PPP1R13B: variants seen among roughly 807,000 people sequenced by gnomAD.
PPP1R13B encodes apoptosis-stimulating of p53 protein 1.
A neutral mutation model predicts 119.8 loss-of-function variants in PPP1R13B; 44 were observed. That is an observed-to-expected ratio of 0.37 (90% confidence interval 0.29 to 0.47). The LOEUF (loss-of-function observed/expected upper bound fraction) is 0.47. PPP1R13B is among the 20% of genes least tolerant of loss of function. The pLI is 0.99. For synonymous variants in PPP1R13B, 542 were observed against 561.5 expected (o/e 0.97, Z 0.49); for missense variants, 1,227 against 1,413.5 (o/e 0.87, Z 2.12).
chr14:103,737,795 C>T lies in PPP1R13B; in HGVS notation c.2930G>A (p.Gly977Asp), dbSNP rs1347114582. The T allele has an allele frequency of 6.2e-7, 1 of 1,614,102 alleles. No individual in the cohort carries two copies. The highest frequency in any genetic ancestry group is 8.5e-7 in the Non-Finnish European group (1 of 1,180,050). Reference sequence around the variant, plus strand: ...TATGGTTGAGGCAAAAATGGCGGCACCACTCTCCACCAGCTGTTTGCAGAG... The same window carrying T: ...TATGGTTGAGGCAAAAATGGCGGCATCACTCTCCACCAGCTGTTTGCAGAG... ...VHLCKQLVES[G>D]AAIFASTISD... Residue 977 changes from glycine (G) to aspartate (D), a missense_variant, in exon 15 of 17, where the codon GGT (glycine) becomes GAT (aspartate). Physicochemically the swap from Gly to Asp is moderately conservative, Grantham distance 94. Transcript: ENST00000202556.
intron 3 of PPP1R13B, among the ~76,000 whole-genome samples, chr14:103,779,182 G>T (rs756881660): frequency 9.2e-5 from 5 of 54,102 alleles, no homozygotes; most frequent in African/African-American, 2.9e-4. Flanking sequence ...TCAGCTACTT[G>T]GGGGGCTGAG....
intron 8 of PPP1R13B, 40 bp from the exon 9 acceptor site, chr14:103,746,593 A>G: frequency 1.3e-6 from 2 of 1,502,302 alleles, no homozygotes; most frequent in Non-Finnish European, 9.0e-7. Context: ...ATTCTCCTAC[A>G]TTCAAAGAAG....
chr14:103,843,951 C>CAA (rs35687195), intron 1 of PPP1R13B, among the ~76,000 whole-genome samples: 10,686 of 132,454 alleles, frequency 0.081, 459 homozygotes, highest in Middle Eastern at 0.13. Context: ...GACTCCGTCT[C>CAA]AAAAAAAAAA....
intron 1 of PPP1R13B, among the ~76,000 whole-genome samples, chr14:103,840,984 A>G (rs2086893786): frequency 6.6e-6 from 1 of 151,624 alleles, no homozygotes; most frequent in African/African-American, 2.4e-5. Context: ...ATATATAAAC[A>G]TATTAATTAA....
chr14:103,788,021 G>T (rs2085513182), intron 2 of PPP1R13B, among the ~76,000 whole-genome samples: 2 of 151,946 alleles, frequency 1.3e-5, no homozygotes, highest in Non-Finnish European at 2.9e-5. Context: ...GCTGAGGCAG[G>T]AGGATTGCTT....
chr14:103,798,343 G>A (rs1173656581), intron 1 of PPP1R13B, among the ~76,000 whole-genome samples: 1 of 151,634 alleles, frequency 6.6e-6, no homozygotes, highest in Admixed American at 6.6e-5. Context: ...TAGTAGATAC[G>A]GGGTTTCACC....
rs1595710975 is a variant in PPP1R13B, at chr14:103,742,103, C to G, written c.1509G>C (p.Leu503=). 1 of 1,613,524 alleles carries G rather than the reference C, an allele frequency of 6.2e-7. No homozygotes were observed. The highest frequency in any genetic ancestry group is 8.5e-7 in the Non-Finnish European group (1 of 1,179,958). Residue 503 remains leucine (L), a synonymous_variant, in exon 11 of 17, where the codon CTG becomes CTC. Coordinates refer to ENST00000202556, the MANE Select transcript of PPP1R13B (RefSeq NM_015316.3). The surrounding 1 kb of genome is among the most constrained non-coding windows in gnomAD (Gnocchi z 4.9). The part of the protein sequence containing the change: ...GLPSRQRPTL[L]PATGSTPQPG... ...GCTGGGGGGTGCTGCCTGTGGCGGGCAGCAGGGTGGGCCTCTGTCGACTTG... is the reference window on the plus strand; with the variant it reads ...GCTGGGGGGTGCTGCCTGTGGCGGGGAGCAGGGTGGGCCTCTGTCGACTTG...
intron 4 of PPP1R13B, among the ~76,000 whole-genome samples, chr14:103,773,299 A>G (rs2085112524): frequency 6.6e-6 from 1 of 152,184 alleles, no homozygotes; most frequent in African/African-American, 2.4e-5. Context: ...GTTCCAAAAG[A>G]AGAAAACAGA....
chr14:103,754,341 G>C, intron 5 of PPP1R13B, 97 bp from the exon 6 acceptor site: 1 of 1,186,058 alleles, frequency 8.4e-7, no homozygotes, highest in African/African-American at 1.5e-5. Flanking sequence ...GAGGTAGGTG[G>C]ATCACCTGAG....
In PPP1R13B at chr14:103,829,310, A is replaced by AT. The variant is rs539114200; in HGVS notation, c.9+17988dup. 1.2e-4 allele frequency among the ~76,000 whole-genome samples: 19 copies of AT among 152,330 alleles called. No homozygotes were observed. In the South Asian group the frequency reaches 3.7e-3, roughly 30 times the overall value. On this transcript the variant is annotated intron_variant, in intron 1 of 16. Transcript: ENST00000202556. ...CATCCTCACAAAATGACACTTCAAC[A>AT]TTTTTTTCTTCACCTGTGAAAACTT... is the stretch of plus-strand genomic sequence containing the variant.
At position 103,757,710 on chromosome 14, in the gene PPP1R13B, TTGGAGCTCTGAGAGGGTAAGTTCAACACG is replaced by T; in HGVS notation, c.367_395del (p.Val124TyrfsTer4). 1 of 1,614,164 alleles carries T rather than the reference TTGGAGCTCTGAGAGGGTAAGTTCAACACG, an allele frequency of 6.2e-7. No homozygotes were observed. The highest frequency in any genetic ancestry group is 8.5e-7 in the Non-Finnish European group (1 of 1,179,990). On this transcript the variant is annotated frameshift_variant, in exon 5 of 17. Coordinates refer to ENST00000202556, the MANE Select transcript of PPP1R13B (RefSeq NM_015316.3). LOFTEE classifies it high-confidence loss of function. ...GCTGCTGTTGCCTAGCTGCCATATC[TTGGAGCTCTGAGAGGGTAAGTTCAACACG>T]TGGATTCCCAACCTAAACAAAAAGC... is the stretch of plus-strand genomic sequence containing the variant.
rs773769529 is a variant in PPP1R13B, at chr14:103,752,994, A to T, written c.828+6T>A. 6 of 1,612,466 alleles carry T rather than the reference A, an allele frequency of 3.7e-6. No homozygotes were observed. In the Admixed American group the frequency reaches 1.0e-4, roughly 27 times the overall value. ...TAATACAACCATTGCCAGACCCAGG[A>T]GTTACCTGTAGTTCTTGGTACAGTC... On this transcript the variant is annotated splice_donor_region_variant and intron_variant, in intron 7 of 16. Coordinates refer to ENST00000202556, the MANE Select transcript of PPP1R13B (RefSeq NM_015316.3).
Position 103,735,132 on chromosome 14 carries a change from A to G in PPP1R13B, c.*22T>C. ...GTGGCTCCTGGTAGCTGGCAAGACC[A>G]TGCGGTGCTCCAAAAGGAAGTTCAG... On this transcript the variant is annotated 3_prime_UTR_variant, in exon 17 of 17. Transcript: ENST00000202556. 1 of 1,614,032 alleles carries G rather than the reference A, an allele frequency of 6.2e-7. No individual in the cohort carries two copies. The highest frequency in any genetic ancestry group is 8.5e-7 in the Non-Finnish European group (1 of 1,179,870).
intron 3 of PPP1R13B, among the ~76,000 whole-genome samples, chr14:103,782,165 A>G (rs912413249): frequency 6.6e-6 from 1 of 152,138 alleles, no homozygotes; most frequent in Non-Finnish European, 1.5e-5. Context: ...ATATCTTTCC[A>G]AAACTGCTTT....
At chr14:103,795,270 T>G (rs1863285053) in intron 2 of PPP1R13B, among the ~76,000 whole-genome samples, 2 of 152,136 alleles carry the variant, frequency 1.3e-5, no homozygotes, top group Non-Finnish European at 2.9e-5. Context: ...AACGACAGTA[T>G]TAGAGCACAG....
intron 1 of PPP1R13B, among the ~76,000 whole-genome samples, chr14:103,846,570 C>T (rs370267533): frequency 1.2e-4 from 18 of 152,218 alleles, no homozygotes; most frequent in African/African-American, 3.9e-4. Context: ...TCCCAAAAAG[C>T]CAATTTTTAA....
In PPP1R13B at chr14:103,738,991, C is replaced by T. The variant is rs778182265; in HGVS notation, c.2625G>A (p.Ser875=). 13 of 1,613,872 alleles carry T rather than the reference C, an allele frequency of 8.1e-6. No homozygotes were observed. The highest frequency in any genetic ancestry group is 1.6e-4 in the Middle Eastern group (1 of 6,082). The change falls in exon 13 of 17, where the codon TCG becomes TCA. Residue 875 remains serine (S), a synonymous_variant. Coordinates refer to ENST00000202556, the MANE Select transcript of PPP1R13B (RefSeq NM_015316.3). This position sits in a 1 kb window ranked among gnomAD's most constrained non-coding sequence, Gnocchi z 5.6. ...NKRTNLKKPN[S]ERTGHGLRVR... is the part of the protein sequence containing the mutation. ...CTCTCAGCCCGTGCCCCGTCCGCTCCGAGTTGGGCTTCTTCAAGTTGGTCC... is the reference window on the plus strand; with the variant it reads ...CTCTCAGCCCGTGCCCCGTCCGCTCTGAGTTGGGCTTCTTCAAGTTGGTCC...
chr14:103,810,644 C>T (rs563471618), intron 1 of PPP1R13B, among the ~76,000 whole-genome samples: 2 of 151,562 alleles, frequency 1.3e-5, no homozygotes, highest in South Asian at 2.1e-4. Context: ...TGGTGGTGGG[C>T]GCCTGTAGTC....
chr14:103,810,684 A>G (rs2086130497), intron 1 of PPP1R13B, among the ~76,000 whole-genome samples: 1 of 152,020 alleles, frequency 6.6e-6, no homozygotes, highest in Admixed American at 6.6e-5. Context: ...AGGCAGGAGT[A>G]TGGCGTGACC....
Sources: allele counts gnomAD v4.1 joint callset (sites outside exome capture counted in the v4.1 genomes callset), GRCh38; gene constraint gnomAD v4.1.1; non-coding constraint Gnocchi (gnomAD v3.1); transcripts MANE v1.5; gene names NCBI Gene and HGNC (gene_info 2026-07-23, HGNC 2026-07-21).